The following TPRG1 variants were observed in gnomAD, a reference collection of about 807,000 sequenced individuals.
The protein encoded by TPRG1 is tumor protein p63 regulated 1.
Under a neutral mutation model 29.3 loss-of-function variants are expected in TPRG1, and 29 were observed. The observed-to-expected ratio is 0.99, with a 90% CI of 0.74 to 1.35. TPRG1 has a LOEUF of 1.35. TPRG1 is among the 40% of genes most tolerant of loss of function. TPRG1 has a pLI of 0.00. For synonymous variants in TPRG1, 130 were observed against 116.8 expected (o/e 1.11, Z -0.73); for missense variants, 327 against 335.0 (o/e 0.98, Z 0.19).
chr3:189,117,885 G>T (rs1721368201), intron 1 of TPRG1, among the ~76,000 whole-genome samples: 1 of 152,192 alleles, frequency 6.6e-6, no homozygotes. Flanking sequence ...ATAGCAGTGT[G>T]AGAATGGACT....
intron 4 of TPRG1, among the ~76,000 whole-genome samples, chr3:189,040,620 A>C (rs1338260010): frequency 2.0e-5 from 3 of 151,820 alleles, no homozygotes; most frequent in Non-Finnish European, 4.4e-5. Flanking sequence ...TTGCCCCCTG[A>C]TACTGGTGCT....
At chr3:189,100,860 T>C (rs1237578114) in intron 1 of TPRG1, among the ~76,000 whole-genome samples, 2 of 152,186 alleles carry the variant, frequency 1.3e-5, no homozygotes, top group East Asian at 1.9e-4. Context: ...GCTAAGTTTC[T>C]GGTAAAAGAA....
intron 4 of TPRG1, among the ~76,000 whole-genome samples, chr3:189,068,854 C>T (rs1040193530): frequency 7.2e-5 from 11 of 152,052 alleles, no homozygotes; most frequent in Non-Finnish European, 1.5e-4. Context: ...TTTGCAACAA[C>T]GTGGAGAGAA....
chr3:189,061,429 A>T (rs1716094826), intron 4 of TPRG1, among the ~76,000 whole-genome samples: 1 of 152,248 alleles, frequency 6.6e-6, no homozygotes, highest in Non-Finnish European at 1.5e-5. Context: ...ACAAAAGCAA[A>T]AATTGACAAA....
intron 2 of TPRG1, chr3:189,127,328 C>T (rs1161518133): frequency 6.6e-6 from 1 of 152,200 alleles, no homozygotes. Context: ...TAGGTGTCTG[C>T]TCCATCAAAA....
intron 1 of TPRG1, among the ~76,000 whole-genome samples, chr3:189,112,001 A>C (rs1720585327): frequency 6.6e-6 from 1 of 152,106 alleles, no homozygotes; most frequent in South Asian, 2.1e-4. Context: ...GGAGTCTTTA[A>C]TCATAAATGA....
At chr3:189,258,901 G>A (rs1454279394) in intron 4 of TPRG1, among the ~76,000 whole-genome samples, 2 of 152,214 alleles carry the variant, frequency 1.3e-5, no homozygotes, top group African/African-American at 4.8e-5. Context: ...TGTGTTGGCA[G>A]CGAGAATTTC....
At chr3:189,274,580 A>G (rs1336042166) in intron 4 of TPRG1, among the ~76,000 whole-genome samples, 2 of 152,100 alleles carry the variant, frequency 1.3e-5, no homozygotes, top group African/African-American at 4.8e-5. Context: ...CCCAGATAGT[A>G]GCACTGAGAC....
At chr3:189,218,177 A>G (rs1368267682) in intron 3 of TPRG1, among the ~76,000 whole-genome samples, 2 of 152,110 alleles carry the variant, frequency 1.3e-5, no homozygotes, top group East Asian at 1.9e-4. Context: ...CAGTGGCGCA[A>G]TCTCGGCTCA....
chr3:188,999,450 A>T (rs903506503), intron 1 of TPRG1, among the ~76,000 whole-genome samples: 2 of 152,174 alleles, frequency 1.3e-5, no homozygotes, highest in African/African-American at 4.8e-5. Context: ...ATATTTCTCC[A>T]CCACAGTATG....
intron 4 of TPRG1, among the ~76,000 whole-genome samples, chr3:189,039,659 A>G (rs192609676): frequency 2.6e-5 from 4 of 152,352 alleles, no homozygotes; most frequent in Non-Finnish European, 5.9e-5. Flanking sequence ...GAACATTTCT[A>G]TTGAAAACCA....
At chr3:189,316,157 G>A (rs1301310580) in intron 5 of TPRG1, among the ~76,000 whole-genome samples, 1 of 152,176 alleles carries the variant, frequency 6.6e-6, no homozygotes, top group East Asian at 1.9e-4. Context: ...GTTGGGGGAT[G>A]GGATAGGATG....
intron 4 of TPRG1, among the ~76,000 whole-genome samples, chr3:189,298,893 T>G (rs1395382516): frequency 6.6e-6 from 1 of 152,188 alleles, no homozygotes; most frequent in African/African-American, 2.4e-5. Flanking sequence ...CAGAGCCTTC[T>G]GTACCCACCA....
intron 1 of TPRG1, among the ~76,000 whole-genome samples, chr3:189,180,349 A>G (rs911872113): frequency 9.2e-4 from 140 of 152,182 alleles, no homozygotes; most frequent in African/African-American, 3.2e-3. Flanking sequence ...TCAAAAGTCC[A>G]CAGTCCAAAG....
At chr3:189,268,025 G>A (rs1027529549) in intron 4 of TPRG1, among the ~76,000 whole-genome samples, 2 of 152,142 alleles carry the variant, frequency 1.3e-5, no homozygotes, top group Admixed American at 6.5e-5. Context: ...CCCTCTTGTG[G>A]ACAATACTGA....
At chr3:189,281,482 T>TAAA (rs1260234187) in intron 4 of TPRG1, among the ~76,000 whole-genome samples, 2 of 152,214 alleles carry the variant, frequency 1.3e-5, no homozygotes, top group African/African-American at 4.8e-5. Context: ...ATTTTTTGTT[T>TAAA]AAAAATGTCA....
chr3:189,167,065 T>G (rs1455922781), upstream of TPRG1, among the ~76,000 whole-genome samples: 1 of 152,166 alleles, frequency 6.6e-6, no homozygotes, highest in Non-Finnish European at 1.5e-5. Context: ...AGAAGCGGTG[T>G]TTTTTTCTCT....
At chr3:189,218,274 C>G (rs1736389021) in intron 3 of TPRG1, among the ~76,000 whole-genome samples, 1 of 151,998 alleles carries the variant, frequency 6.6e-6, no homozygotes, top group East Asian at 1.9e-4. Flanking sequence ...CCACCACACC[C>G]AGCTAATTTT....
At chr3:189,000,805 G>A (rs1711983286) in exon 2 of TPRG1, 1 of 151,802 alleles carries the variant, frequency 6.6e-6, no homozygotes, top group East Asian at 1.9e-4. Context: ...CTGGAATGTG[G>A]TGGCATGATC....
Sources: gnomAD v4.1 joint callset for allele counts (sites outside exome capture counted in the v4.1 genomes callset) on GRCh38, gnomAD v4.1.1 for gene constraint, MANE v1.5 for transcripts, NCBI Gene and HGNC (gene_info 2026-07-23, HGNC 2026-07-21) for gene names.